The following TPTE2 variants were observed in gnomAD, a reference collection of about 807,000 sequenced individuals.
TPTE2 encodes phosphatidylinositol 3,4,5-trisphosphate 3-phosphatase TPTE2.
A neutral mutation model predicts 78.6 loss-of-function variants in TPTE2; 53 were observed. That is an observed-to-expected ratio of 0.67 (90% CI 0.54 to 0.85). The LOEUF (loss-of-function observed/expected upper bound fraction) is 0.85. Ranked by LOEUF, TPTE2 falls within the 40% of genes least tolerant of loss-of-function variation. The pLI, the probability that TPTE2 is intolerant of heterozygous loss-of-function variation, is 0.00. For missense variants in TPTE2, 461 were observed against 623.0 expected (o/e 0.74, Z 2.77); for synonymous variants, 175 against 206.2 (o/e 0.85, Z 1.30).
At chr13:19,547,063 TGAAGA>T in the TPTE2 span, among the ~76,000 whole-genome samples, 8 of 145,504 alleles carry the variant, frequency 5.5e-5, no homozygotes, top group Non-Finnish European at 1.2e-4. Context: ...ATTAATATTA[TGAAGA>T]GAAGATGCTA....
intron 1 of TPTE2, among the ~76,000 whole-genome samples, chr13:19,497,180 A>T (rs1881384148): frequency 6.6e-6 from 1 of 151,432 alleles, no homozygotes; most frequent in Non-Finnish European, 1.5e-5. Flanking sequence ...TTGCTAGCAC[A>T]GCAGTCTGAG....
At chr13:19,485,399 G>A (rs929867407) in intron 3 of TPTE2, among the ~76,000 whole-genome samples, 1 of 151,852 alleles carries the variant, frequency 6.6e-6, no homozygotes, top group Non-Finnish European at 1.5e-5. Context: ...TCTAGCCTAA[G>A]GTTTCTGCTG....
At chr13:19,498,650 G>C (rs914186452) in intron 1 of TPTE2, among the ~76,000 whole-genome samples, 1 of 151,746 alleles carries the variant, frequency 6.6e-6, no homozygotes, top group Non-Finnish European at 1.5e-5. Flanking sequence ...TGAAGGAAGC[G>C]CTAAATATGG....
intron 13 of TPTE2, among the ~76,000 whole-genome samples, chr13:19,440,789 A>T (rs1877439010): frequency 6.6e-6 from 1 of 150,646 alleles, no homozygotes; most frequent in Non-Finnish European, 1.5e-5. Flanking sequence ...GCAAACAAAC[A>T]AACAAACAAA....
At position 19,426,542 on chromosome 13, in the gene TPTE2, G is replaced by C. The variant is rs746931497; in HGVS notation, c.1303-25C>G. 15 of 1,375,130 alleles carry C rather than the reference G, an allele frequency of 1.1e-5. No individual in the cohort carries two copies. In the Middle Eastern group the frequency reaches 1.1e-3, roughly 98 times the overall value. 85.2% of individuals were successfully genotyped at this position (1,375,130 alleles called of 1,614,324 possible). Reference sequence around the variant, plus strand: ...TCTATGAATGAACACATGGAATTGAGAACTACAAACCTAGATAACGATAAC... The same window carrying C: ...TCTATGAATGAACACATGGAATTGACAACTACAAACCTAGATAACGATAAC... On this transcript the variant is annotated intron_variant, in intron 17 of 19. Coordinates refer to ENST00000400230, the Ensembl canonical transcript of TPTE2.
chr13:19,478,918 C>A lies in TPTE2; in HGVS notation c.180-3295G>T, dbSNP rs1273658563. Among the ~76,000 whole-genome samples the A allele has an allele frequency of 2.0e-5, 3 of 152,156 alleles. No homozygotes were observed. The East Asian group carries it at 5.8e-4, about 29-fold the overall frequency. On this transcript the variant is annotated intron_variant, in intron 4 of 19. Coordinates refer to ENST00000400230, the Ensembl canonical transcript of TPTE2. ...GCAAACTATCGCAAGGTCAGAAAAC[C>A]AAACACTGCATGTTCTCACTCATAG...
chr13:19,444,174 C>T (rs756470303), intron 13 of TPTE2, among the ~76,000 whole-genome samples: 2 of 151,256 alleles, frequency 1.3e-5, no homozygotes, highest in Non-Finnish European at 3.0e-5. Context: ...GGCATGGTGG[C>T]ACCTGCCTGC....
intron 6 of TPTE2, among the ~76,000 whole-genome samples, chr13:19,470,715 G>A (rs894362236): frequency 3.2e-4 from 48 of 149,402 alleles, no homozygotes; most frequent in East Asian, 1.2e-3. Flanking sequence ...TAGTACAGAC[G>A]GGGTTTCACC....
chr13:19,433,457 T>A (rs1876828856), intron 15 of TPTE2, among the ~76,000 whole-genome samples: 1 of 152,176 alleles, frequency 6.6e-6, no homozygotes, highest in African/African-American at 2.4e-5. Flanking sequence ...GAGCTGAGAT[T>A]GCACCACTGC....
chr13:19,527,236 T>C (rs906262327), intron 1 of TPTE2, among the ~76,000 whole-genome samples: 4 of 152,208 alleles, frequency 2.6e-5, no homozygotes, highest in African/African-American at 7.2e-5. Flanking sequence ...TAAGTTCTAA[T>C]GTTCTATAGC....
At chr13:19,455,492 T>C (rs1389378660) in intron 10 of TPTE2, among the ~76,000 whole-genome samples, 2 of 152,182 alleles carry the variant, frequency 1.3e-5, no homozygotes, top group African/African-American at 4.8e-5. Context: ...AGCTCTTTCC[T>C]TTTGCCATGA....
At chr13:19,453,761 A>G in intron 10 of TPTE2, among the ~76,000 whole-genome samples, 1 of 152,102 alleles carries the variant, frequency 6.6e-6, no homozygotes. Flanking sequence ...AGCCAGAATA[A>G]AGTGCATTCA....
At chr13:19,498,336 C>T (rs1001237731) in intron 1 of TPTE2, among the ~76,000 whole-genome samples, 14 of 151,866 alleles carry the variant, frequency 9.2e-5, no homozygotes, top group Admixed American at 7.9e-4. Context: ...AACTCCAAGA[C>T]ACATAATTGT....
At chr13:19,424,965 G>C (rs1329968677) in exon 19 of TPTE2, 4 of 1,534,532 alleles carry the variant, frequency 2.6e-6, no homozygotes, top group Non-Finnish European at 3.6e-6. Context: ...TTGAATAAAA[G>C]ACGTGTTGAA....
chr13:19,487,017 G>T (rs920617214), intron 3 of TPTE2, among the ~76,000 whole-genome samples: 2 of 152,200 alleles, frequency 1.3e-5, no homozygotes, highest in African/African-American at 4.8e-5. Context: ...GGCATTCATG[G>T]CTGATTGGCT....
chr13:19,478,008 A>G (rs1454182134), intron 4 of TPTE2, among the ~76,000 whole-genome samples: 2 of 152,228 alleles, frequency 1.3e-5, no homozygotes, highest in Non-Finnish European at 2.9e-5. Context: ...ATCAAAATGA[A>G]GAACACAGAA....
At chr13:19,451,997 C>T (rs376747277) in intron 10 of TPTE2, among the ~76,000 whole-genome samples, 3 of 151,924 alleles carry the variant, frequency 2.0e-5, no homozygotes, top group Admixed American at 2.0e-4. Flanking sequence ...AAAAATGACA[C>T]AAAATTTTAA....
chr13:19,423,118 C>A, exon 20 of TPTE2: 2 of 1,611,212 alleles, frequency 1.2e-6, no homozygotes, highest in African/African-American at 1.3e-5. Context: ...ATTTTCCATG[C>A]TTTTTGTTTA....
chr13:19,530,836 T>C (rs1870823646), intron 1 of TPTE2, among the ~76,000 whole-genome samples: 1 of 152,300 alleles, frequency 6.6e-6, no homozygotes, highest in South Asian at 2.1e-4. Flanking sequence ...TAAATTTTTT[T>C]TCTTATGGTA....
Sources: gnomAD v4.1 joint callset for allele counts (sites outside exome capture counted in the v4.1 genomes callset) on GRCh38, gnomAD v4.1.1 for gene constraint, MANE v1.5 for transcripts, NCBI Gene and HGNC (gene_info 2026-07-23, HGNC 2026-07-21) for gene names.